SP7: variants seen among roughly 807,000 people sequenced by gnomAD.
SP7 encodes the protein transcription factor Sp7.
In SP7, 13 loss-of-function variants were observed where a neutral mutation model predicts 27.9. That is an observed-to-expected ratio of 0.47 (90% CI 0.30 to 0.74). The LOEUF (loss-of-function observed/expected upper bound fraction) is 0.74. Ranked by LOEUF, SP7 falls within the 30% of genes least tolerant of loss-of-function variation. SP7 has a pLI of 0.06. For synonymous variants in SP7, 219 were observed against 226.7 expected (o/e 0.97, Z 0.31); for missense variants, 525 against 558.0 (o/e 0.94, Z 0.60).
chr12:53,343,451 G>A (rs1356295338), intron 1 of SP7, among the ~76,000 whole-genome samples: 2 of 152,132 alleles, frequency 1.3e-5, no homozygotes, highest in Non-Finnish European at 2.9e-5. Flanking sequence ...GGCGGTTCTG[G>A]GTAAATCAGG....
At chr12:53,342,013 G>A (rs1405066813) in intron 1 of SP7, among the ~76,000 whole-genome samples, 1 of 151,470 alleles carries the variant, frequency 6.6e-6, no homozygotes, top group Admixed American at 6.6e-5. Context: ...AGCCGAGATC[G>A]CGCCACTGCA....
chr12:53,338,006 A>G (rs1944786729), upstream of SP7, among the ~76,000 whole-genome samples: 1 of 152,132 alleles, frequency 6.6e-6, no homozygotes, highest in Non-Finnish European at 1.5e-5. Flanking sequence ...ACAGAGCAGG[A>G]AAGAAACTAA....
intron 2 of SP7, among the ~76,000 whole-genome samples, chr12:53,331,555 C>T (rs770185983): frequency 1.6e-4 from 24 of 151,518 alleles, no homozygotes; most frequent in Admixed American, 4.6e-4. Flanking sequence ...CTCTCAAGAT[C>T]TTTACCTCTC....
upstream of SP7, among the ~76,000 whole-genome samples, chr12:53,338,683 A>G (rs1055689733): frequency 3.3e-5 from 5 of 152,156 alleles, no homozygotes; most frequent in African/African-American, 1.2e-4. Flanking sequence ...TTCGAACCCT[A>G]CTATTCTCGG....
upstream of SP7, among the ~76,000 whole-genome samples, chr12:53,338,634 C>G (rs114546533): frequency 6.6e-6 from 1 of 152,014 alleles, no homozygotes; most frequent in Non-Finnish European, 1.5e-5. Flanking sequence ...TAACCCTACC[C>G]GGGAAGGGGC....
rs1350023803 is a variant in SP7, at chr12:53,329,062, G to T, written c.380C>A (p.Thr127Asn). 3 of 1,613,742 alleles carry T rather than the reference G, an allele frequency of 1.9e-6. No individual in the cohort carries two copies. Among genetic ancestry groups the T allele is most frequent in the Admixed American group, 1.7e-5 (1 of 60,004 alleles). Residue 127 changes from threonine to asparagine, a missense_variant, in exon 3 of 3, where the codon ACC (threonine) becomes AAC (asparagine). Physicochemically the swap from Thr to Asn is moderately conservative, Grantham distance 65. Coordinates refer to ENST00000536324, the MANE Select transcript of SP7 (RefSeq NM_001173467.3). ...ATAGGGGTGTGTCATGTCCAGAGAG[G>T]TGTAGACACTGGGCAGACAGTCAGA... Reference protein sequence around the residue: ...SSSDCLPSVYTSLDMTHPYGS... With the variant: ...SSSDCLPSVYNSLDMTHPYGS...
At position 53,328,230 on chromosome 12, in the gene SP7, C is replaced by T; in HGVS notation, c.1212G>A (p.Gln404=). 1.9e-6 allele frequency: 3 copies of T among 1,613,142 alleles called. No homozygotes were observed. The highest frequency in any genetic ancestry group is 1.7e-4 in the Middle Eastern group (1 of 6,058). The change falls in exon 3 of 3, where the codon CAG becomes CAA. Residue 404 remains glutamine, a synonymous_variant. Transcript: ENST00000536324. This position sits in a 1 kb window ranked among gnomAD's most constrained non-coding sequence, Gnocchi z 5.1. Reference sequence around the variant, plus strand: ...CTGGCGAGGCAGAAGGTCGGGGCGTCTGACTGGCCTCCTCTTCCCCCGTGC... The same window carrying T: ...CTGGCGAGGCAGAAGGTCGGGGCGTTTGACTGGCCTCCTCTTCCCCCGTGC... ...GRSTGEEEAS[Q]TPRPSASPAT...
intron 1 of SP7, among the ~76,000 whole-genome samples, chr12:53,342,979 C>A (rs1361573726): frequency 6.6e-6 from 1 of 151,188 alleles, no homozygotes. Context: ...AACTGAAGGA[C>A]AAATAAGAGT....
At chr12:53,339,844 T>G (rs79502533), upstream of SP7, among the ~76,000 whole-genome samples, 2 of 151,974 alleles carry the variant, frequency 1.3e-5, no homozygotes, top group African/African-American at 4.8e-5. Context: ...CTTTCTAGGC[T>G]GGGCTGTCTC....
intron 1 of SP7, among the ~76,000 whole-genome samples, chr12:53,342,830 A>G (rs913335821): frequency 6.6e-6 from 1 of 151,330 alleles, no homozygotes; most frequent in African/African-American, 2.4e-5. Flanking sequence ...ATAAATAAAT[A>G]AATAAATAAT....
upstream of SP7, among the ~76,000 whole-genome samples, chr12:53,338,291 G>A (rs529888781): frequency 2.6e-5 from 4 of 152,310 alleles, no homozygotes; most frequent in African/African-American, 9.6e-5. Flanking sequence ...CCTTGTTGGG[G>A]GGGAGTCTGA....
intron 2 of SP7, among the ~76,000 whole-genome samples, chr12:53,333,834 G>A (rs1944735220): frequency 6.6e-6 from 1 of 152,086 alleles, no homozygotes; most frequent in South Asian, 2.1e-4. Context: ...AGTGGTCGAG[G>A]GACAGGAGGG....
Position 53,328,512 on chromosome 12 carries a change from G to A in SP7, c.930C>T (p.His310=), listed in dbSNP as rs374137350. ...GCGKVYGKAS[H]LKAHLRWHTG... ...TGTGCCAGCGCAAGTGGGCCTTCAGGTGCGAAGCCTTGCCATACACCTTGC... is the reference window on the plus strand; with the variant it reads ...TGTGCCAGCGCAAGTGGGCCTTCAGATGCGAAGCCTTGCCATACACCTTGC... The change falls in exon 3 of 3, where the codon CAC becomes CAT. Residue 310 remains histidine (H), a synonymous_variant. Coordinates refer to ENST00000536324, the MANE Select transcript of SP7 (RefSeq NM_001173467.3). The surrounding 1 kb of genome is among the most constrained non-coding windows in gnomAD (Gnocchi z 5.1). The A allele has an allele frequency of 1.2e-6, 2 of 1,613,924 alleles. No homozygotes were observed. Among genetic ancestry groups the A allele is most frequent in the Non-Finnish European group, 1.7e-6 (2 of 1,179,880 alleles).
upstream of SP7, among the ~76,000 whole-genome samples, chr12:53,338,102 G>C (rs959616797): frequency 7.0e-6 from 1 of 142,976 alleles, no homozygotes; most frequent in African/African-American, 2.5e-5. Flanking sequence ...GGCATAGCCA[G>C]GTCCGGAGGA....
intron 1 of SP7, among the ~76,000 whole-genome samples, chr12:53,343,787 C>T (rs915077411): frequency 6.6e-6 from 1 of 152,096 alleles, no homozygotes; most frequent in African/African-American, 2.4e-5. Context: ...AGCACGGTGG[C>T]ACATACCAGC....
Position 53,328,675 on chromosome 12 carries a change from C to T in SP7, c.767G>A (p.Gly256Asp), listed in dbSNP as rs934275059. 9.9e-6 allele frequency: 16 copies of T among 1,608,348 alleles called. No homozygotes were observed. Among genetic ancestry groups the T allele is most frequent in the Non-Finnish European group, 1.4e-5 (16 of 1,176,012 alleles). The change falls in exon 3 of 3, where the codon GGT becomes GAT. Residue 256 changes from glycine to aspartate, a missense_variant. Physicochemically the swap from Gly to Asp is moderately conservative, Grantham distance 94. Transcript: ENST00000536324. The surrounding 1 kb of genome is among the most constrained non-coding windows in gnomAD (Gnocchi z 5.1). ...AKPPRGASTG[G>D]SGGYGGSGAG... ...CCCACTGCCCCCATATCCACCACTA[C>T]CCCCAGTGCTTGCACCCCGTGGGGG...
At chr12:53,337,050 T>C (rs1453906824), upstream of SP7, among the ~76,000 whole-genome samples, 1 of 152,090 alleles carries the variant, frequency 6.6e-6, no homozygotes, top group Non-Finnish European at 1.5e-5. Flanking sequence ...TAGAAGGTCA[T>C]TGGGTCAACT....
intron 2 of SP7, among the ~76,000 whole-genome samples, chr12:53,333,333 C>G (rs1944727859): frequency 1.3e-5 from 2 of 152,168 alleles, no homozygotes; most frequent in Admixed American, 1.3e-4. Flanking sequence ...TCCACCCCAC[C>G]ACCCTTAAAA....
At chr12:53,335,564 G>A (rs1944757523) in intron 2 of SP7, 62 bp downstream of exon 2, 2 of 846,700 alleles carry the variant, frequency 2.4e-6, no homozygotes, top group Admixed American at 2.0e-5. Flanking sequence ...GGAGGTGGGT[G>A]GGCAAGGACT....
Sources: allele counts gnomAD v4.1 joint callset (sites outside exome capture counted in the v4.1 genomes callset), GRCh38; gene constraint gnomAD v4.1.1; non-coding constraint Gnocchi (gnomAD v3.1); transcripts MANE v1.5; gene names NCBI Gene and HGNC (gene_info 2026-07-23, HGNC 2026-07-21).